Variants in FER observed in about 807,000 individuals in gnomAD.
The protein encoded by FER is tyrosine-protein kinase Fer.
Under a neutral mutation model 111.0 loss-of-function variants are expected in FER, and 63 were observed. That is an observed-to-expected ratio of 0.57 (90% confidence interval 0.46 to 0.70). The LOEUF (loss-of-function observed/expected upper bound fraction) is 0.70, where lower values mean the gene tolerates loss of function less well. Among genes scored for constraint, FER ranks in the 30% least tolerant of loss-of-function variants. The pLI, the probability that FER is intolerant of heterozygous loss-of-function variation, is 0.00. For missense variants in FER, 914 were observed against 954.0 expected, an observed-to-expected ratio of 0.96 and a Z score of 0.55; for synonymous variants, 327 against 313.9, an observed-to-expected ratio of 1.04 and a Z score of -0.44.
chr5:108,773,260 G>T (rs1288152718), intron 2 of FER, among the ~76,000 whole-genome samples: 1 of 152,062 alleles, frequency 6.6e-6, no homozygotes, highest in East Asian at 1.9e-4. Flanking sequence ...CATGTGCCAT[G>T]GTGGTTCGCT....
In FER at chr5:108,872,231, T is replaced by G. The variant is rs1169363280; in HGVS notation, c.923+19T>G. On this transcript the variant is annotated intron_variant, in intron 8 of 19. Coordinates refer to ENST00000281092, the MANE Select transcript of FER (RefSeq NM_005246.4). ...AAGTAATGTAAGTATTCACAAAATA[T>G]CAACAGTTTAAATACTAGTATTATT... The G allele has an allele frequency of 1.9e-6, 3 of 1,586,314 alleles. No homozygotes were observed. Among genetic ancestry groups the G allele is most frequent in the Non-Finnish European group, 2.6e-6 (3 of 1,165,896 alleles).
At chr5:109,102,413 A>G (rs1265443901) in intron 17 of FER, among the ~76,000 whole-genome samples, 1 of 152,126 alleles carries the variant, frequency 6.6e-6, no homozygotes. Flanking sequence ...AGTGAATGGT[A>G]GTGGCTCTCC....
chr5:109,010,660 C>A (rs1766145582), intron 13 of FER, among the ~76,000 whole-genome samples: 1 of 152,084 alleles, frequency 6.6e-6, no homozygotes, highest in African/African-American at 2.4e-5. Flanking sequence ...ATCTTGATCC[C>A]CGGTCCATGG....
At chr5:109,057,955 A>T (rs750199010) in intron 16 of FER, among the ~76,000 whole-genome samples, 1 of 152,222 alleles carries the variant, frequency 6.6e-6, no homozygotes, top group Non-Finnish European at 1.5e-5. Flanking sequence ...ATCATTCATG[A>T]TCATAGATTT....
At chr5:108,849,113 C>G (rs1762303911) in intron 5 of FER, among the ~76,000 whole-genome samples, 1 of 151,960 alleles carries the variant, frequency 6.6e-6, no homozygotes, top group African/African-American at 2.4e-5. Context: ...TCATGATTTA[C>G]TTTGTTGTAA....
chr5:108,830,900 T>C (rs1419331188), intron 3 of FER: 4 of 152,204 alleles, frequency 2.6e-5, no homozygotes, highest in Non-Finnish European at 4.4e-5. Flanking sequence ...ATAAGAGGTA[T>C]GAAGAGTTTT....
intron 5 of FER, among the ~76,000 whole-genome samples, chr5:108,845,047 T>TAC (rs1561503383): frequency 1.6e-4 from 7 of 44,836 alleles, no homozygotes; most frequent in East Asian, 1.1e-3. Flanking sequence ...TATACATATA[T>TAC]ATATATATAT....
At chr5:109,108,133 G>A (rs1253092498) in intron 17 of FER, among the ~76,000 whole-genome samples, 1 of 152,060 alleles carries the variant, frequency 6.6e-6, no homozygotes, top group African/African-American at 2.4e-5. Flanking sequence ...AGAGCTCACT[G>A]TTTGCCAAGT....
At chr5:108,843,562 G>T (rs1454249327) in intron 5 of FER, among the ~76,000 whole-genome samples, 3 of 143,744 alleles carry the variant, frequency 2.1e-5, no homozygotes, top group Non-Finnish European at 4.5e-5. Context: ...ATGGAGTCTC[G>T]CTCTGTCGCC....
At chr5:108,955,072 A>T in intron 12 of FER, 140 bp downstream of exon 12, 1 of 565,776 alleles carries the variant, frequency 1.8e-6, no homozygotes, top group Non-Finnish European at 3.0e-6. Flanking sequence ...TTTCTTAAAT[A>T]CAGTGCTTCA....
At chr5:109,057,778 C>A (rs1241752676) in intron 16 of FER, among the ~76,000 whole-genome samples, 1 of 152,160 alleles carries the variant, frequency 6.6e-6, no homozygotes, top group African/African-American at 2.4e-5. Context: ...GATGGCTTTT[C>A]TGGTGAATTA....
intron 10 of FER, among the ~76,000 whole-genome samples, chr5:108,900,957 T>C (rs1307445949): frequency 6.6e-6 from 1 of 152,194 alleles, no homozygotes; most frequent in African/African-American, 2.4e-5. Flanking sequence ...ATTGCCATTG[T>C]AAGAGTGTTA....
At chr5:109,124,631 C>T (rs1326986110) in intron 17 of FER, among the ~76,000 whole-genome samples, 1 of 151,950 alleles carries the variant, frequency 6.6e-6, no homozygotes, top group East Asian at 1.9e-4. Context: ...TTTTGCTCCC[C>T]TTCCTGATTG....
intron 10 of FER, among the ~76,000 whole-genome samples, chr5:108,920,511 C>G (rs1383193354): frequency 2.8e-5 from 4 of 143,630 alleles, no homozygotes; most frequent in Non-Finnish European, 6.1e-5. Flanking sequence ...GCCATTCCCA[C>G]AGTCTTCTTA....
At chr5:109,043,215 A>G (rs1771434195) in intron 14 of FER, among the ~76,000 whole-genome samples, 1 of 152,234 alleles carries the variant, frequency 6.6e-6, no homozygotes, top group African/African-American at 2.4e-5. Flanking sequence ...GACAAGCTGA[A>G]TCGTAAGTGC....
intron 8 of FER, among the ~76,000 whole-genome samples, chr5:108,880,948 A>T (rs996652291): frequency 6.6e-6 from 1 of 151,934 alleles, no homozygotes; most frequent in African/African-American, 2.4e-5. Context: ...TGCCTCTCTT[A>T]TTTCTATTAC....
chr5:108,883,700 T>C (rs746495524), intron 9 of FER, among the ~76,000 whole-genome samples, 182 bp downstream of exon 9: 1 of 152,016 alleles, frequency 6.6e-6, no homozygotes, highest in Admixed American at 6.6e-5. Flanking sequence ...TTAAAAAATA[T>C]AGTGTCCTTG....
chr5:108,968,037 A>C (rs73211537), intron 13 of FER, among the ~76,000 whole-genome samples: 4 of 152,100 alleles, frequency 2.6e-5, no homozygotes, highest in Non-Finnish European at 5.9e-5. Flanking sequence ...TAAAGTTAAG[A>C]GAAGATATAA....
chr5:108,866,983 T>C (rs1764132418), intron 5 of FER, among the ~76,000 whole-genome samples: 1 of 152,138 alleles, frequency 6.6e-6, no homozygotes, highest in Non-Finnish European at 1.5e-5. Context: ...AAGTCTAAAT[T>C]TCTCTGCTTG....
Sources: gnomAD v4.1 joint callset for allele counts (sites outside exome capture counted in the v4.1 genomes callset) on GRCh38, gnomAD v4.1.1 for gene constraint, MANE v1.5 for transcripts, NCBI Gene and HGNC (gene_info 2026-07-23, HGNC 2026-07-21) for gene names.